Variants in CIT observed in about 807,000 individuals in gnomAD.
CIT encodes the protein citron Rho-interacting kinase.
In CIT, 79 loss-of-function variants were observed where a neutral mutation model predicts 272.7. That is an observed-to-expected ratio of 0.29 (90% CI 0.24 to 0.35). CIT has a LOEUF of 0.35. CIT is among the 10% of genes least tolerant of loss of function. The pLI, the probability that CIT is intolerant of heterozygous loss-of-function variation, is 1.00. For missense variants in CIT, 1,909 were observed against 2,618.3 expected, an observed-to-expected ratio of 0.73 and a Z score of 5.91; for synonymous variants, 948 against 995.6, an observed-to-expected ratio of 0.95 and a Z score of 0.90.
chr12:119,767,947 T>C (rs1471457717), intron 18 of CIT, among the ~76,000 whole-genome samples: 2 of 151,838 alleles, frequency 1.3e-5, no homozygotes, highest in East Asian at 3.9e-4. Context: ...TTTTCACTCT[T>C]GTTGCCCAGG....
At chr12:119,788,717 G>A (rs930295329) in intron 10 of CIT, among the ~76,000 whole-genome samples, 1 of 152,080 alleles carries the variant, frequency 6.6e-6, no homozygotes, top group Admixed American at 6.5e-5. Context: ...GCCCAGAAGC[G>A]AGGAGATGTG....
At chr12:119,852,491 A>T (rs1339763897) in intron 4 of CIT, among the ~76,000 whole-genome samples, 3 of 152,146 alleles carry the variant, frequency 2.0e-5, no homozygotes, top group East Asian at 3.8e-4. Context: ...AGGCGGGCGG[A>T]TCACTTGAGG....
chr12:119,718,647 A>C lies in CIT; in HGVS notation c.4003+52T>G. 6.2e-7 allele frequency: 1 copy of C among 1,607,784 alleles called. No homozygotes were observed. Among genetic ancestry groups the C allele is most frequent in the Non-Finnish European group, 8.5e-7 (1 of 1,176,588 alleles). ...GTCTTGGCTGATCTCACTGAGATCAATCCTCTGCCTTTTCCACATCCTTGA... is the reference window on the plus strand; with the variant it reads ...GTCTTGGCTGATCTCACTGAGATCACTCCTCTGCCTTTTCCACATCCTTGA... On this transcript the variant is annotated intron_variant, in intron 31 of 47. Transcript: ENST00000392521. This position sits in a 1 kb window ranked among gnomAD's most constrained non-coding sequence, Gnocchi z 4.8.
At chr12:119,753,581 C>T (rs1305783304) in intron 22 of CIT, among the ~76,000 whole-genome samples, 6 of 151,686 alleles carry the variant, frequency 4.0e-5, no homozygotes, top group African/African-American at 1.5e-4. Context: ...CTAAAAATAA[C>T]AAAAAATTAG....
intron 10 of CIT, among the ~76,000 whole-genome samples, chr12:119,801,290 A>C (rs1686608150): frequency 2.6e-5 from 4 of 152,188 alleles, no homozygotes; most frequent in Admixed American, 2.0e-4. Context: ...AGGTAAATTA[A>C]ATCAACAAAT....
intron 23 of CIT, among the ~76,000 whole-genome samples, chr12:119,748,527 A>G (rs74879299): frequency 0.057 from 8,683 of 152,292 alleles, 515 homozygotes; most frequent in African/African-American, 0.15. Flanking sequence ...GGCAGGCACC[A>G]GGCAAGAATG....
chr12:119,689,523 T>C (rs943788296), intron 47 of CIT, among the ~76,000 whole-genome samples: 5 of 152,048 alleles, frequency 3.3e-5, no homozygotes, highest in African/African-American at 1.2e-4. Flanking sequence ...TATTTGCTGG[T>C]ACGCACAGAA....
chr12:119,851,627 T>C (rs538863277), intron 4 of CIT, among the ~76,000 whole-genome samples: 59 of 152,280 alleles, frequency 3.9e-4, no homozygotes, highest in African/African-American at 1.3e-3. Flanking sequence ...AATTTAAGTA[T>C]AAAACTAGTG....
rs752021860 is a variant in CIT, at chr12:119,782,603, T to C, written c.1580A>G (p.Glu527Gly). 1 of 1,614,050 alleles carries C rather than the reference T, an allele frequency of 6.2e-7. No individual in the cohort carries two copies. ...LKRSLEQARM[E>G]VSQEDDKALQ... ...TGCTTTGTCATCCTCCTGGGACACCTCCATCCGTGCTTGCTCCAAACTTCG... is the reference window on the plus strand; with the variant it reads ...TGCTTTGTCATCCTCCTGGGACACCCCCATCCGTGCTTGCTCCAAACTTCG... Residue 527 changes from glutamate to glycine, a missense_variant, in exon 13 of 48, where the codon GAG becomes GGG. Transcript: ENST00000392521.
intron 41 of CIT, among the ~76,000 whole-genome samples, chr12:119,702,349 A>C (rs1431940069): frequency 2.0e-5 from 3 of 152,142 alleles, no homozygotes; most frequent in African/African-American, 7.2e-5. Context: ...CCCAAAACTA[A>C]GAAAACAAGG....
chr12:119,728,396 T>C lies in CIT; in HGVS notation c.3591+106A>G. On this transcript the variant is annotated intron_variant, in intron 28 of 47. Coordinates refer to ENST00000392521, the MANE Select transcript of CIT (RefSeq NM_001206999.2). This position sits in a 1 kb window ranked among gnomAD's most constrained non-coding sequence, Gnocchi z 4.3. ...GGGAGTATGTGGGAACTCTCTGTGCTTTCTGCTCAATTTTGCTGTGAACCT... is the reference window on the plus strand; with the variant it reads ...GGGAGTATGTGGGAACTCTCTGTGCCTTCTGCTCAATTTTGCTGTGAACCT... The C allele has an allele frequency of 1.4e-6, 1 of 703,276 alleles. No individual in the cohort carries two copies. Among genetic ancestry groups the C allele is most frequent in the Non-Finnish European group, 2.5e-6 (1 of 401,158 alleles). 43.6% of individuals were successfully genotyped at this position (703,276 alleles called of 1,614,324 possible).
chr12:119,698,565 G>C (rs2136962974), intron 44 of CIT, among the ~76,000 whole-genome samples: 1 of 148,470 alleles, frequency 6.7e-6, no homozygotes, highest in East Asian at 2.0e-4. Context: ...ACTCCGACCT[G>C]GGCAACAGAG....
intron 22 of CIT, among the ~76,000 whole-genome samples, chr12:119,754,607 T>C (rs540634321): frequency 1.3e-5 from 2 of 152,272 alleles, no homozygotes; most frequent in South Asian, 2.1e-4. Flanking sequence ...ACACACAAAG[T>C]TGGGGGAAGG....
In CIT at chr12:119,826,292, C is replaced by T. The variant is rs146761511; in HGVS notation, c.754-924G>A. 2.4e-4 allele frequency among the ~76,000 whole-genome samples: 37 copies of T among 152,198 alleles called. No homozygotes were observed. In the East Asian group the frequency reaches 6.6e-3, roughly 27 times the overall value. On this transcript the variant is annotated intron_variant, in intron 7 of 47. Transcript: ENST00000392521. ...GGTTCCCTCCCCCACCGTTCAGAAACCCAGGGGCTTATAATCCAATGGCAC... is the reference window on the plus strand; with the variant it reads ...GGTTCCCTCCCCCACCGTTCAGAAATCCAGGGGCTTATAATCCAATGGCAC...
chr12:119,721,259 G>A (rs765332562), intron 29 of CIT, 50 bp downstream of exon 29: 11 of 1,534,984 alleles, frequency 7.2e-6, no homozygotes, highest in South Asian at 1.2e-5. Flanking sequence ...GAGCCACTGC[G>A]CCCAGCCGTG....
intron 5 of CIT, among the ~76,000 whole-genome samples, chr12:119,841,047 C>A (rs1969374671): frequency 6.6e-6 from 1 of 152,110 alleles, no homozygotes; most frequent in South Asian, 2.1e-4. Flanking sequence ...CCAAGCAGGG[C>A]ATCAGATCCA....
intron 10 of CIT, among the ~76,000 whole-genome samples, chr12:119,791,425 G>A (rs1965299037): frequency 6.6e-6 from 1 of 152,298 alleles, no homozygotes; most frequent in Middle Eastern, 3.4e-3. Flanking sequence ...CACCCCACAA[G>A]AGCAACTCTC....
chr12:119,698,101 A>G, intron 44 of CIT, 47 bp from the exon 45 acceptor site: 1 of 1,557,278 alleles, frequency 6.4e-7, no homozygotes, highest in East Asian at 2.2e-5. Flanking sequence ...GAATGGTGAA[A>G]AGAGGGAAAA....
intron 5 of CIT, among the ~76,000 whole-genome samples, chr12:119,840,008 G>A (rs1040736912): frequency 3.3e-5 from 5 of 152,322 alleles, no homozygotes; most frequent in South Asian, 2.1e-4. Flanking sequence ...AGCATTACCT[G>A]GAAACTAGTT....
Sources: allele counts gnomAD v4.1 joint callset (sites outside exome capture counted in the v4.1 genomes callset), GRCh38; gene constraint gnomAD v4.1.1; non-coding constraint Gnocchi (gnomAD v3.1); transcripts MANE v1.5; gene names NCBI Gene and HGNC (gene_info 2026-07-23, HGNC 2026-07-21).